CADM2: variants seen among roughly 807,000 people sequenced by gnomAD.
The protein encoded by CADM2 is cell adhesion molecule 2.
Under a neutral mutation model 49.8 loss-of-function variants are expected in CADM2, and 12 were observed. The observed-to-expected ratio is 0.24, with a 90% confidence interval of 0.15 to 0.39. The LOEUF (loss-of-function observed/expected upper bound fraction) is 0.39, where lower values mean the gene tolerates loss of function less well. Ranked by LOEUF, CADM2 falls within the 10% of genes least tolerant of loss-of-function variation. CADM2 has a pLI of 1.00. For missense variants in CADM2, 378 were observed against 492.3 expected (o/e 0.77, Z 2.20); for synonymous variants, 214 against 175.4 (o/e 1.22, Z -1.74).
At chr3:85,369,917 C>T (rs900063646) in intron 1 of CADM2, among the ~76,000 whole-genome samples, 12 of 151,684 alleles carry the variant, frequency 7.9e-5, no homozygotes, top group African/African-American at 2.7e-4. Flanking sequence ...TTTAAATGAA[C>T]CCAAATATGT....
At position 85,257,854 on chromosome 3, in the gene CADM2, AAAATT is replaced by A. The variant is rs1219193635; in HGVS notation, c.61+298190_61+298194del. Among the ~76,000 whole-genome samples, 8 of 152,176 alleles carry A rather than the reference AAAATT, an allele frequency of 5.3e-5. 1 individual carries two copies. The highest frequency in any genetic ancestry group is 5.2e-4 in the Admixed American group (8 of 15,256). The stretch of plus-strand genomic sequence containing the variant: ...ATGTAGTTTCATAGTGACACAAACC[AAAATT>A]AAAATGAAATGACAGACCGCTGATA... On this transcript the variant is annotated intron_variant, in intron 1 of 9. Transcript: ENST00000383699.
At position 85,831,911 on chromosome 3, in the gene CADM2, G is replaced by C. The variant is rs2074204052; in HGVS notation, c.238+29715G>C. 2.0e-5 allele frequency among the ~76,000 whole-genome samples: 3 copies of C among 151,950 alleles called. No individual in the cohort carries two copies. The South Asian group carries it at 6.2e-4, about 31-fold the overall frequency. The stretch of plus-strand genomic sequence containing the variant: ...AATTCTTTGCCAAGGCTGATCTCCA[G>C]AATGGTGATTCTTAGGTTTTCTTCT... On this transcript the variant is annotated intron_variant, in intron 3 of 9. Transcript: ENST00000383699.
At chr3:85,179,716 T>C (rs2040877681) in intron 1 of CADM2, among the ~76,000 whole-genome samples, 1 of 152,116 alleles carries the variant, frequency 6.6e-6, no homozygotes. Flanking sequence ...TTTCCACAAG[T>C]GCTTAGACCC....
intron 1 of CADM2, among the ~76,000 whole-genome samples, chr3:84,968,614 A>G (rs1018613872): frequency 6.6e-6 from 1 of 152,098 alleles, no homozygotes; most frequent in African/African-American, 2.4e-5. Context: ...GATACATAAT[A>G]CAGTATCTGT....
chr3:85,469,605 T>A (rs77837320), intron 1 of CADM2, among the ~76,000 whole-genome samples: 7,517 of 152,168 alleles, frequency 0.049, 630 homozygotes, highest in African/African-American at 0.17. Flanking sequence ...AAATACAATT[T>A]AAGTTAAGAA....
chr3:86,044,292 A>C (rs532190290), intron 8 of CADM2, among the ~76,000 whole-genome samples: 6 of 152,356 alleles, frequency 3.9e-5, no homozygotes, highest in African/African-American at 1.2e-4. Flanking sequence ...GAAAGGGAGA[A>C]AATTTTTGCA....
chr3:85,276,882 G>A (rs2043368142), intron 1 of CADM2, among the ~76,000 whole-genome samples: 1 of 151,168 alleles, frequency 6.6e-6, no homozygotes, highest in Non-Finnish European at 1.5e-5. Context: ...ATACTGGAAA[G>A]GCAAGTTAAG....
chr3:85,221,647 A>G (rs914045839), intron 1 of CADM2, among the ~76,000 whole-genome samples: 14 of 152,192 alleles, frequency 9.2e-5, no homozygotes, highest in Admixed American at 6.5e-4. Context: ...TATAGGCATT[A>G]TGCCATAAAT....
chr3:85,599,051 A>G (rs923364146), intron 1 of CADM2, among the ~76,000 whole-genome samples: 3 of 151,978 alleles, frequency 2.0e-5, no homozygotes, highest in Admixed American at 6.6e-5. Flanking sequence ...ACTGAGTTGC[A>G]CAAAGAACTA....
intron 3 of CADM2, among the ~76,000 whole-genome samples, chr3:85,828,575 T>G (rs1033605868): frequency 3.2e-4 from 49 of 152,068 alleles, no homozygotes; most frequent in African/African-American, 1.2e-3. Context: ...TATACCTATG[T>G]CTATATATCG....
chr3:85,514,579 A>G (rs2060848876), intron 1 of CADM2, among the ~76,000 whole-genome samples: 1 of 152,108 alleles, frequency 6.6e-6, no homozygotes, highest in Non-Finnish European at 1.5e-5. Context: ...ATAATGGGAT[A>G]TGCATCTGAT....
chr3:85,922,804 A>T (rs1015179717), intron 6 of CADM2, among the ~76,000 whole-genome samples: 1 of 150,976 alleles, frequency 6.6e-6, no homozygotes, highest in Non-Finnish European at 1.5e-5. Flanking sequence ...AATTAAAATA[A>T]AACTAAAATA....
chr3:85,881,103 T>C (rs1712694220), intron 3 of CADM2, among the ~76,000 whole-genome samples: 2 of 152,162 alleles, frequency 1.3e-5, no homozygotes, highest in Admixed American at 6.6e-5. Context: ...TTCTGTTTTC[T>C]CTCAGCTATT....
At chr3:85,169,119 G>T (rs2107681304) in intron 1 of CADM2, among the ~76,000 whole-genome samples, 1 of 151,866 alleles carries the variant, frequency 6.6e-6, no homozygotes, top group East Asian at 1.9e-4. Flanking sequence ...AGCCCAGCTA[G>T]TTTTGTTTTG....
intron 1 of CADM2, among the ~76,000 whole-genome samples, chr3:85,213,519 G>A (rs1461477165): frequency 1.3e-5 from 2 of 152,038 alleles, no homozygotes; most frequent in Non-Finnish European, 2.9e-5. Flanking sequence ...ACCTTTGAGA[G>A]TTTGATTATT....
At chr3:85,143,808 A>G (rs2039649651) in intron 1 of CADM2, among the ~76,000 whole-genome samples, 1 of 152,156 alleles carries the variant, frequency 6.6e-6, no homozygotes. Flanking sequence ...TCAACACTGT[A>G]GCCAGAATAT....
intron 1 of CADM2, among the ~76,000 whole-genome samples, chr3:85,191,907 A>T (rs2041217879): frequency 6.6e-6 from 1 of 151,814 alleles, no homozygotes; most frequent in Non-Finnish European, 1.5e-5. Context: ...CTCATCTTGT[A>T]GAACTGCCTC....
At chr3:85,024,055 T>G (rs1268602463) in intron 1 of CADM2, among the ~76,000 whole-genome samples, 2 of 152,128 alleles carry the variant, frequency 1.3e-5, no homozygotes, top group African/African-American at 2.4e-5. Flanking sequence ...CATATATATT[T>G]GCTTTCCCCA....
At chr3:85,383,311 C>T (rs1328978916) in intron 1 of CADM2, among the ~76,000 whole-genome samples, 1 of 151,892 alleles carries the variant, frequency 6.6e-6, no homozygotes, top group Admixed American at 6.6e-5. Flanking sequence ...CTCAATTAAA[C>T]TCTGTTAATT....
Sources: allele counts gnomAD v4.1 joint callset (sites outside exome capture counted in the v4.1 genomes callset), GRCh38; gene constraint gnomAD v4.1.1; transcripts MANE v1.5; gene names NCBI Gene and HGNC (gene_info 2026-07-23, HGNC 2026-07-21).